Variants in OCM observed in about 807,000 individuals in gnomAD.
The protein encoded by OCM is oncomodulin-1.
Under a neutral mutation model 14.1 loss-of-function variants are expected in OCM, and 18 were observed. That is an observed-to-expected ratio of 1.28 (90% CI 0.88 to 1.89). The LOEUF (loss-of-function observed/expected upper bound fraction) is 1.89. Ranked by LOEUF, OCM falls within the 40% of genes most tolerant of loss-of-function variation. OCM has a pLI of 0.00. For missense variants in OCM, 140 were observed against 137.6 expected, an observed-to-expected ratio of 1.02 and a Z score of -0.09; for synonymous variants, 48 against 51.0, an observed-to-expected ratio of 0.94 and a Z score of 0.25.
upstream of OCM, among the ~76,000 whole-genome samples, chr7:5,875,283 C>T (rs1330595983): frequency 1.3e-5 from 2 of 151,946 alleles, no homozygotes; most frequent in East Asian, 1.9e-4. Flanking sequence ...TCTCGAACTC[C>T]GGACCTCAGG....
At chr7:5,873,449 A>T in the OCM span, among the ~76,000 whole-genome samples, 1 of 152,074 alleles carries the variant, frequency 6.6e-6, no homozygotes. Flanking sequence ...CTGTAGTCCC[A>T]CCTACTCAGG....
In OCM at chr7:5,883,891, T is replaced by G. The variant is rs768427576; in HGVS notation, c.196T>G (p.Phe66Val). 1 of 1,612,072 alleles carries G rather than the reference T, an allele frequency of 6.2e-7. No homozygotes were observed. The highest frequency in any genetic ancestry group is 1.7e-5 in the Admixed American group (1 of 59,766). The change falls in exon 3 of 4, where the codon TTT becomes GTT. Residue 66 changes from phenylalanine (F) to valine (V), a missense_variant and splice_region_variant. Phe to Val is a conservative substitution (Grantham distance 50). Transcript: ENST00000242104. ...SGYLDEEELK[F>V]FLQKFESGAR... Reference sequence around the variant, plus strand: ...CCATGGATCTTTATTATCCTGTAGGTTTTTCCTCCAGAAGTTTGAGAGTGG... The same window carrying G: ...CCATGGATCTTTATTATCCTGTAGGGTTTTCCTCCAGAAGTTTGAGAGTGG...
chr7:5,871,214 G>C, the OCM span, among the ~76,000 whole-genome samples: 2 of 151,994 alleles, frequency 1.3e-5, no homozygotes, highest in South Asian at 4.2e-4. Flanking sequence ...AATTAGCTGG[G>C]TATGGCGGCG....
the OCM span, among the ~76,000 whole-genome samples, chr7:5,864,176 C>CA: frequency 4.6e-4 from 70 of 151,098 alleles, no homozygotes; most frequent in Non-Finnish European, 7.7e-4. Flanking sequence ...CCCGTCTCTA[C>CA]AAAAAATAAA....
the OCM span, among the ~76,000 whole-genome samples, chr7:5,860,387 G>A: frequency 7.2e-6 from 1 of 138,356 alleles, no homozygotes; most frequent in South Asian, 2.3e-4. Flanking sequence ...TATATCATTA[G>A]GTATATATAC....
At chr7:5,870,966 A>C in the OCM span, among the ~76,000 whole-genome samples, 2 of 151,592 alleles carry the variant, frequency 1.3e-5, no homozygotes, top group African/African-American at 4.9e-5. Context: ...AGCTCACCGC[A>C]ACCTCCACCT....
At chr7:5,864,346 C>CA in the OCM span, among the ~76,000 whole-genome samples, 12,027 of 121,660 alleles carry the variant, frequency 0.099, 654 homozygotes, top group Admixed American at 0.21. Flanking sequence ...GACCTTGTCT[C>CA]AAAAAAAAAA....
At chr7:5,872,533 C>G in the OCM span, among the ~76,000 whole-genome samples, 1 of 152,150 alleles carries the variant, frequency 6.6e-6, no homozygotes, top group Admixed American at 6.5e-5. Context: ...TGCAGAAACT[C>G]AGATTCAGAG....
At chr7:5,870,893 CT>C in the OCM span, among the ~76,000 whole-genome samples, 37 of 148,900 alleles carry the variant, frequency 2.5e-4, no homozygotes, top group African/African-American at 4.9e-4. Context: ...TGATGAGTAT[CT>C]TTTTTTTTTT....
At chr7:5,861,433 AAG>A in the OCM span, among the ~76,000 whole-genome samples, 2 of 152,040 alleles carry the variant, frequency 1.3e-5, no homozygotes, top group South Asian at 2.1e-4. Flanking sequence ...AAAAAAAAAA[AAG>A]AATCCCAGTT....
At chr7:5,862,490 G>A in the OCM span, among the ~76,000 whole-genome samples, 3 of 152,002 alleles carry the variant, frequency 2.0e-5, no homozygotes, top group African/African-American at 4.8e-5. Flanking sequence ...TGACAATGTC[G>A]ATTACCAGCT....
rs1463472284 is a variant in OCM, at chr7:5,883,873, T to C, written c.195-17T>C. ...TGATCTTTTTGAAAATCCCCATGGATCTTTATTATCCTGTAGGTTTTTCCT... is the reference window on the plus strand; with the variant it reads ...TGATCTTTTTGAAAATCCCCATGGACCTTTATTATCCTGTAGGTTTTTCCT... On this transcript the variant is annotated splice_polypyrimidine_tract_variant and intron_variant, in intron 2 of 3. Transcript: ENST00000242104. 1 of 1,612,198 alleles carries C rather than the reference T, an allele frequency of 6.2e-7. No homozygotes were observed. The highest frequency in any genetic ancestry group is 8.5e-7 in the Non-Finnish European group (1 of 1,178,816).
At chr7:5,876,252 C>T (rs1347574161), upstream of OCM, among the ~76,000 whole-genome samples, 4 of 152,196 alleles carry the variant, frequency 2.6e-5, no homozygotes, top group East Asian at 5.8e-4. Context: ...AATCCACGTG[C>T]CTCGGCCTCC....
chr7:5,862,520 C>G, the OCM span, among the ~76,000 whole-genome samples: 2 of 152,198 alleles, frequency 1.3e-5, no homozygotes, highest in African/African-American at 2.4e-5. Flanking sequence ...ATGGATAGGA[C>G]AAGGACAAGA....
the OCM span, among the ~76,000 whole-genome samples, chr7:5,871,481 C>G: frequency 4.6e-5 from 7 of 152,298 alleles, no homozygotes; most frequent in Admixed American, 1.3e-4. Context: ...CTCACCCTGC[C>G]TGACCTGGGA....
At chr7:5,874,085 A>G in the OCM span, among the ~76,000 whole-genome samples, 1 of 151,306 alleles carries the variant, frequency 6.6e-6, no homozygotes, top group Admixed American at 6.6e-5. Context: ...TTAGCCAGTC[A>G]TGGTGGTGGG....
upstream of OCM, among the ~76,000 whole-genome samples, chr7:5,876,949 G>T (rs1781108028): frequency 6.6e-6 from 1 of 152,142 alleles, no homozygotes; most frequent in Non-Finnish European, 1.5e-5. Context: ...GAGATTACAG[G>T]CATGCGCCAC....
chr7:5,885,978 C>A (rs868470761), intron 3 of OCM, 86 bp from the exon 4 acceptor site: 5 of 1,579,064 alleles, frequency 3.2e-6, no homozygotes, highest in Non-Finnish European at 4.4e-6. Flanking sequence ...TGCTTCCTTC[C>A]CTCTTTGGAA....
At chr7:5,864,451 T>A in the OCM span, among the ~76,000 whole-genome samples, 4 of 151,788 alleles carry the variant, frequency 2.6e-5, no homozygotes, top group Non-Finnish European at 5.9e-5. Context: ...TGGGGTTCTC[T>A]TTTCTCCTCC....
Sources: gnomAD v4.1 joint callset for allele counts (sites outside exome capture counted in the v4.1 genomes callset) on GRCh38, gnomAD v4.1.1 for gene constraint, MANE v1.5 for transcripts, NCBI Gene and HGNC (gene_info 2026-07-23, HGNC 2026-07-21) for gene names.